Variants in PLD5 observed in about 807,000 individuals in gnomAD.
The protein encoded by PLD5 is phospholipase D family member 5.
A neutral mutation model predicts 61.1 loss-of-function variants in PLD5; 36 were observed. That is an observed-to-expected ratio of 0.59 (90% CI 0.45 to 0.78). The LOEUF (loss-of-function observed/expected upper bound fraction) is 0.78. Among genes scored for constraint, PLD5 ranks in the 30% least tolerant of loss-of-function variants. The pLI is 0.00. For synonymous variants in PLD5, 243 were observed against 242.8 expected (o/e 1.00, Z -0.01); for missense variants, 515 against 644.4 (o/e 0.80, Z 2.17).
At chr1:242,419,388 T>C (rs866418555) in intron 1 of PLD5, among the ~76,000 whole-genome samples, 1 of 117,378 alleles carries the variant, frequency 8.5e-6, no homozygotes, top group African/African-American at 3.7e-5. Context: ...TGATTTTTGT[T>C]TTTTTTTTTT....
chr1:242,096,463 T>C (rs1660236824), intron 9 of PLD5, among the ~76,000 whole-genome samples: 1 of 152,036 alleles, frequency 6.6e-6, no homozygotes, highest in Admixed American at 6.6e-5. Context: ...TGCCTCAGCC[T>C]CCCTAGTAGC....
At chr1:242,173,125 C>T (rs1666867762) in intron 5 of PLD5, among the ~76,000 whole-genome samples, 1 of 152,148 alleles carries the variant, frequency 6.6e-6, no homozygotes, top group Admixed American at 6.6e-5. Flanking sequence ...TCCCTGTTTG[C>T]AGATGACATG....
intron 2 of PLD5, among the ~76,000 whole-genome samples, chr1:242,344,276 C>T (rs1394296962): frequency 6.6e-6 from 1 of 152,130 alleles, no homozygotes; most frequent in Non-Finnish European, 1.5e-5. Context: ...AAGCCAATAG[C>T]CTCTAATCAG....
intron 3 of PLD5, among the ~76,000 whole-genome samples, chr1:242,267,619 C>G (rs1157911775): frequency 6.6e-6 from 1 of 151,892 alleles, no homozygotes; most frequent in Non-Finnish European, 1.5e-5. Context: ...CGAGCTTATC[C>G]TTGTAATCCC....
In PLD5 at chr1:242,300,951, C is replaced by T. The variant is rs114639563; in HGVS notation, c.327-12421G>A. ...AATTCATCTGCCCCATTCCTAATGC[C>T]GTCTTCCAGGTTCAAGGATGCTTGT... On this transcript the variant is annotated intron_variant, in intron 2 of 9. Transcript: ENST00000536534. 5.6e-3 allele frequency among the ~76,000 whole-genome samples: 849 copies of T among 152,268 alleles called. 4 individuals carry two copies. The highest frequency in any genetic ancestry group is 9.6e-3 in the Non-Finnish European group (655 of 68,016).
Position 242,084,538 on chromosome 1 carries a change from G to A in PLD5, c.*5316C>T, listed in dbSNP as rs1356178694. 1 of 151,990 alleles carries A rather than the reference G, an allele frequency of 6.6e-6. No homozygotes were observed. Among genetic ancestry groups the A allele is most frequent in the African/African-American group, 2.4e-5 (1 of 41,360 alleles). 9.4% of individuals were successfully genotyped at this position (151,990 alleles called of 1,614,324 possible). On this transcript the variant is annotated 3_prime_UTR_variant, in exon 10 of 10. Coordinates refer to ENST00000536534, the MANE Select transcript of PLD5 (RefSeq NM_001372062.1). Reference sequence around the variant, plus strand: ...TTGAGTCTGGAGCCTCAGACCACTCGGCCGTCCTGACACTCTAGGCTGTCA... The same window carrying A: ...TTGAGTCTGGAGCCTCAGACCACTCAGCCGTCCTGACACTCTAGGCTGTCA...
At chr1:242,494,188 C>T (rs1221957012) in intron 1 of PLD5, among the ~76,000 whole-genome samples, 1 of 149,202 alleles carries the variant, frequency 6.7e-6, no homozygotes, top group South Asian at 2.2e-4. Flanking sequence ...TTCTTCCTTC[C>T]TAATTCTAAC....
At chr1:242,320,749 CCTG>C (rs1367477001) in intron 2 of PLD5, among the ~76,000 whole-genome samples, 5 of 152,084 alleles carry the variant, frequency 3.3e-5, no homozygotes, top group African/African-American at 1.2e-4. Flanking sequence ...AGTTCTCCTC[CCTG>C]GCATCCATTA....
intron 1 of PLD5, among the ~76,000 whole-genome samples, chr1:242,432,118 A>G (rs1050193031): frequency 1.3e-5 from 2 of 152,236 alleles, no homozygotes; most frequent in Non-Finnish European, 2.9e-5. Flanking sequence ...TTAGTGCTGC[A>G]TTGTGACTGA....
At chr1:242,312,123 A>C (rs542706321) in intron 2 of PLD5, among the ~76,000 whole-genome samples, 1 of 151,776 alleles carries the variant, frequency 6.6e-6, no homozygotes, top group South Asian at 2.1e-4. Flanking sequence ...GATTTCCTTT[A>C]GCTCTTTAAG....
At chr1:242,219,142 T>C (rs1317614011) in intron 5 of PLD5, among the ~76,000 whole-genome samples, 1 of 152,230 alleles carries the variant, frequency 6.6e-6, no homozygotes, top group Non-Finnish European at 1.5e-5. Flanking sequence ...AAATCTGTTC[T>C]AATGCATAGG....
chr1:242,321,772 G>A (rs1458166385), intron 2 of PLD5, among the ~76,000 whole-genome samples: 1 of 152,086 alleles, frequency 6.6e-6, no homozygotes, highest in Non-Finnish European at 1.5e-5. Context: ...TAATCACTCT[G>A]TGATTCTCCC....
At chr1:242,491,844 T>C (rs1247523429) in intron 1 of PLD5, among the ~76,000 whole-genome samples, 1 of 152,222 alleles carries the variant, frequency 6.6e-6, no homozygotes, top group Non-Finnish European at 1.5e-5. Context: ...TTGGAGTAAC[T>C]TTCCACACAT....
At chr1:242,491,462 C>T (rs1020446642) in intron 1 of PLD5, among the ~76,000 whole-genome samples, 1 of 152,208 alleles carries the variant, frequency 6.6e-6, no homozygotes, top group Non-Finnish European at 1.5e-5. Flanking sequence ...CTTTACAAGG[C>T]AAACACAGTG....
chr1:242,399,934 TGAG>T (rs1284485103), intron 1 of PLD5, among the ~76,000 whole-genome samples: 1 of 152,142 alleles, frequency 6.6e-6, no homozygotes, highest in East Asian at 1.9e-4. Context: ...TTTGGGAGGC[TGAG>T]GATGGTGGAT....
intron 1 of PLD5, among the ~76,000 whole-genome samples, chr1:242,410,882 G>A (rs1664510920): frequency 6.6e-6 from 1 of 151,860 alleles, no homozygotes. Context: ...GACAGAGAAT[G>A]GAAGTCAACT....
At chr1:242,427,675 T>C (rs550205885) in intron 1 of PLD5, among the ~76,000 whole-genome samples, 35 of 152,210 alleles carry the variant, frequency 2.3e-4, no homozygotes, top group Non-Finnish European at 4.6e-4. Context: ...CTTAGACCAG[T>C]CTGTGCATCA....
At chr1:242,342,541 T>A (rs1244347683) in intron 2 of PLD5, among the ~76,000 whole-genome samples, 1 of 152,200 alleles carries the variant, frequency 6.6e-6, no homozygotes, top group African/African-American at 2.4e-5. Context: ...ACAGGATGCA[T>A]GCAACCTAAA....
At chr1:242,449,313 G>C in intron 1 of PLD5, 2 of 1,535,990 alleles carry the variant, frequency 1.3e-6, no homozygotes, top group Non-Finnish European at 1.7e-6. Context: ...TTCTTTCCCA[G>C]GTAACACACT....
Sources: allele counts gnomAD v4.1 joint callset (sites outside exome capture counted in the v4.1 genomes callset), GRCh38; gene constraint gnomAD v4.1.1; transcripts MANE v1.5; gene names NCBI Gene and HGNC (gene_info 2026-07-23, HGNC 2026-07-21).